Variants in NAV2 observed in about 807,000 individuals in gnomAD.
The protein encoded by NAV2 is helicase, APC down-regulated 1.
Under a neutral mutation model 223.2 loss-of-function variants are expected in NAV2, and 54 were observed. That is an observed-to-expected ratio of 0.24 (90% CI 0.19 to 0.30). The LOEUF is 0.30. Among genes scored for constraint, NAV2 ranks in the 10% least tolerant of loss-of-function variants. The pLI is 1.00. For synonymous variants in NAV2, 1,279 were observed against 1,239.3 expected (o/e 1.03, Z -0.67); for missense variants, 2,806 against 3,147.5 (o/e 0.89, Z 2.60).
At chr11:19,593,738 A>G (rs760196145) in intron 1 of NAV2, among the ~76,000 whole-genome samples, 29 of 85,684 alleles carry the variant, frequency 3.4e-4, no homozygotes, top group Non-Finnish European at 4.5e-4. Context: ...TATCTGCTCT[A>G]AAAGGTATGT....
chr11:19,509,823 C>A (rs146324466), intron 1 of NAV2, among the ~76,000 whole-genome samples: 96 of 151,702 alleles, frequency 6.3e-4, no homozygotes, highest in Non-Finnish European at 1.2e-3. Context: ...GCTAGAATTG[C>A]TTTAATCTCA....
At chr11:19,947,598 G>C (rs934663458) in intron 9 of NAV2, among the ~76,000 whole-genome samples, 20 of 152,216 alleles carry the variant, frequency 1.3e-4, no homozygotes, top group Non-Finnish European at 2.6e-4. Flanking sequence ...CTGCAGGGAA[G>C]AATCTCATTC....
chr11:19,385,840 C>A (rs559514511), intron 1 of NAV2, among the ~76,000 whole-genome samples: 193 of 148,600 alleles, frequency 1.3e-3, no homozygotes, highest in Non-Finnish European at 2.2e-3. Context: ...CGGCTCACTG[C>A]AAGCTCCGCC....
chr11:19,984,009 T>G, intron 10 of NAV2, 116 bp from the exon 11 acceptor site: 1 of 1,352,818 alleles, frequency 7.4e-7, no homozygotes, highest in Non-Finnish European at 1.0e-6. Flanking sequence ...CAGGGAATCC[T>G]CCGTTTCTTC....
At chr11:19,951,734 T>G (rs2153376734) in intron 10 of NAV2, among the ~76,000 whole-genome samples, 1 of 152,374 alleles carries the variant, frequency 6.6e-6, no homozygotes, top group Non-Finnish European at 1.5e-5. Flanking sequence ...TCCTGGTTTC[T>G]TTAACCATCC....
At chr11:20,084,861 G>A (rs759923858) in intron 26 of NAV2, among the ~76,000 whole-genome samples, 3 of 152,118 alleles carry the variant, frequency 2.0e-5, no homozygotes, top group African/African-American at 4.8e-5. Context: ...TGTGTGAGCA[G>A]AGCACTATTC....
At chr11:19,712,264 G>C (rs963295695), upstream of NAV2, 2 of 152,294 alleles carry the variant, frequency 1.3e-5, no homozygotes, top group African/African-American at 4.8e-5. Flanking sequence ...GCTTCCCTGC[G>C]TATTGTATTT....
chr11:19,840,525 G>C (rs990937600), intron 2 of NAV2, among the ~76,000 whole-genome samples: 2 of 152,084 alleles, frequency 1.3e-5, no homozygotes, highest in Non-Finnish European at 2.9e-5. Flanking sequence ...TATGACTTTG[G>C]CCATCATGAG....
intron 1 of NAV2, among the ~76,000 whole-genome samples, chr11:19,744,817 C>G (rs995976563): frequency 6.6e-6 from 1 of 152,210 alleles, no homozygotes; most frequent in Admixed American, 6.5e-5. Context: ...TAGGCATCTC[C>G]TGACATAGAT....
intron 1 of NAV2, among the ~76,000 whole-genome samples, chr11:19,778,579 C>T (rs1010736513): frequency 1.3e-5 from 2 of 152,016 alleles, no homozygotes; most frequent in African/African-American, 2.4e-5. Context: ...GCATTGGATA[C>T]CAAGATGCTA....
chr11:19,369,922 TAC>T (rs1448030313), intron 1 of NAV2, among the ~76,000 whole-genome samples: 2 of 152,228 alleles, frequency 1.3e-5, no homozygotes, highest in Non-Finnish European at 2.9e-5. Context: ...TAAGACCTGG[TAC>T]AGGCTTCTGG....
intron 1 of NAV2, among the ~76,000 whole-genome samples, chr11:19,386,498 G>T (rs988731580): frequency 6.6e-6 from 1 of 152,198 alleles, no homozygotes; most frequent in Non-Finnish European, 1.5e-5. Flanking sequence ...CTGAATCTCA[G>T]TGGAGGCATA....
intron 1 of NAV2, among the ~76,000 whole-genome samples, chr11:19,389,045 A>C (rs112283973): frequency 2.2e-4 from 34 of 152,336 alleles, no homozygotes; most frequent in African/African-American, 8.2e-4. Context: ...GTTTTTTACC[A>C]GCCTCCTCTC....
intron 11 of NAV2, chr11:20,027,491 ACAGCTGCG>A: frequency 1.0e-6 from 1 of 974,496 alleles, no homozygotes; most frequent in Non-Finnish European, 1.2e-6. Flanking sequence ...GCAGCTGGTC[ACAGCTGCG>A]CAGTGTGAGC....
intron 1 of NAV2, among the ~76,000 whole-genome samples, chr11:19,817,598 G>A (rs914079652): frequency 2.0e-5 from 3 of 152,124 alleles, no homozygotes; most frequent in African/African-American, 7.2e-5. Flanking sequence ...GGAGACCAGT[G>A]CCAAAACCAA....
chr11:19,866,089 C>G (rs1049423986), intron 3 of NAV2, among the ~76,000 whole-genome samples: 1 of 152,246 alleles, frequency 6.6e-6, no homozygotes, highest in Non-Finnish European at 1.5e-5. Context: ...CCAACACCAT[C>G]CAAAGAATTG....
intron 1 of NAV2, among the ~76,000 whole-genome samples, chr11:19,485,140 G>A (rs1217519208): frequency 1.3e-5 from 2 of 152,136 alleles, no homozygotes; most frequent in African/African-American, 4.8e-5. Flanking sequence ...AACTATCATA[G>A]TGCAAAGGTC....
At chr11:19,473,665 G>C (rs1277093933) in intron 1 of NAV2, among the ~76,000 whole-genome samples, 1 of 151,952 alleles carries the variant, frequency 6.6e-6, no homozygotes, top group African/African-American at 2.4e-5. Context: ...TGCTCTTCTG[G>C]CTGTCACACT....
chr11:19,570,749 C>T (rs988304479), intron 1 of NAV2, among the ~76,000 whole-genome samples: 20 of 152,318 alleles, frequency 1.3e-4, no homozygotes, highest in Middle Eastern at 3.4e-3. Context: ...ACTTCACACA[C>T]GCTAGGATGG....
Sources: gnomAD v4.1 joint callset for allele counts (sites outside exome capture counted in the v4.1 genomes callset) on GRCh38, gnomAD v4.1.1 for gene constraint, MANE v1.5 for transcripts, NCBI Gene and HGNC (gene_info 2026-07-23, HGNC 2026-07-21) for gene names.